The following AVEN variants were observed in gnomAD, a reference collection of about 807,000 sequenced individuals.
AVEN encodes the protein cell death regulator Aven.
In AVEN, 41 loss-of-function variants were observed where a neutral mutation model predicts 38.1. That is an observed-to-expected ratio of 1.08 (90% CI 0.84 to 1.40). The LOEUF (loss-of-function observed/expected upper bound fraction) is 1.40, where lower values mean the gene tolerates loss of function less well. Ranked by LOEUF, AVEN falls within the 40% of genes most tolerant of loss-of-function variation. AVEN has a pLI of 0.00. For missense variants in AVEN, 605 were observed against 438.8 expected (o/e 1.38, Z -3.38); for synonymous variants, 206 against 171.8 (o/e 1.20, Z -1.56).
chr15:34,060,888 C>T (rs925708750), intron 5 of AVEN, among the ~76,000 whole-genome samples: 4 of 151,190 alleles, frequency 2.6e-5, no homozygotes, highest in African/African-American at 4.9e-5. Flanking sequence ...TGGTGGCAGG[C>T]GCCTGTAGTC....
chr15:33,920,359 T>TA (rs1567414056), intron 2 of AVEN, among the ~76,000 whole-genome samples: 1 of 152,192 alleles, frequency 6.6e-6, no homozygotes, highest in East Asian at 1.9e-4. Flanking sequence ...CCCCAACCCC[T>TA]AGCAACCACC....
At position 33,931,950 on chromosome 15, in the gene AVEN, T is replaced by C. The variant is rs555642673; in HGVS notation, c.446-55955A>G. Among the ~76,000 whole-genome samples the C allele has an allele frequency of 2.6e-5, 4 of 152,290 alleles. No individual in the cohort carries two copies. The East Asian group carries it at 7.7e-4, about 29-fold the overall frequency. The stretch of plus-strand genomic sequence containing the variant: ...AAAGCATCCAGAATCCTCACATTCA[T>C]GTGGAAAGGCTTGATTCTAAGATGA... On this transcript the variant is annotated intron_variant, in intron 2 of 5. Transcript: ENST00000306730.
At chr15:33,870,502 A>G (rs902204256) in intron 4 of AVEN, among the ~76,000 whole-genome samples, 1 of 152,226 alleles carries the variant, frequency 6.6e-6, no homozygotes, top group Non-Finnish European at 1.5e-5. Flanking sequence ...CTCTAAAAGC[A>G]CACTGTACTT....
chr15:34,045,038 ACT>A (rs965227988), intron 5 of AVEN, among the ~76,000 whole-genome samples: 2 of 152,128 alleles, frequency 1.3e-5, no homozygotes, highest in African/African-American at 2.4e-5. Flanking sequence ...ACAGAGCGAG[ACT>A]CTGTCTCAAA....
intron 2 of AVEN, among the ~76,000 whole-genome samples, chr15:34,001,055 T>C (rs1490580333): frequency 1.3e-5 from 2 of 150,276 alleles, no homozygotes; most frequent in Non-Finnish European, 3.0e-5. Context: ...AGTTTTGCTC[T>C]TGTTGCCCAG....
At chr15:33,854,807 G>A (rs1288793870), downstream of AVEN, 1 of 1,613,658 alleles carries the variant, frequency 6.2e-7, no homozygotes, top group South Asian at 1.1e-5. Context: ...TGTCAGTCCT[G>A]GGCCACTACA....
Position 33,888,998 on chromosome 15 carries a change from G to T in AVEN, c.446-13003C>A, listed in dbSNP as rs368246162. Among the ~76,000 whole-genome samples, 55 of 152,220 alleles carry T rather than the reference G, an allele frequency of 3.6e-4. No individual in the cohort carries two copies. The South Asian group carries it at 0.011, about 31-fold the overall frequency. Reference sequence around the variant, plus strand: ...CCCAAAGTGCTGGGATTACAGGCATGAGCCACCACACCCAGCCTGGAATTC... The same window carrying T: ...CCCAAAGTGCTGGGATTACAGGCATTAGCCACCACACCCAGCCTGGAATTC... On this transcript the variant is annotated intron_variant, in intron 2 of 5. Transcript: ENST00000306730.
chr15:33,954,264 A>C (rs1043339051), intron 2 of AVEN, among the ~76,000 whole-genome samples: 9 of 152,198 alleles, frequency 5.9e-5, no homozygotes, highest in African/African-American at 1.9e-4. Flanking sequence ...AGGATCTAGA[A>C]CTAGAAATAC....
chr15:33,997,303 CT>C (rs1315669040), intron 2 of AVEN, among the ~76,000 whole-genome samples: 4 of 151,842 alleles, frequency 2.6e-5, no homozygotes, highest in South Asian at 2.1e-4. Context: ...ATCAAGACTA[CT>C]TTTTTTTTAA....
intron 4 of AVEN, 145 bp downstream of exon 4, chr15:33,870,790 A>C (rs997450465): frequency 5.8e-6 from 3 of 514,288 alleles, no homozygotes; most frequent in Non-Finnish European, 9.7e-6. Context: ...TTCTCCTTTA[A>C]ACTTTACAAA....
At chr15:33,993,658 A>T (rs1896818106) in intron 2 of AVEN, among the ~76,000 whole-genome samples, 1 of 152,202 alleles carries the variant, frequency 6.6e-6, no homozygotes, top group Non-Finnish European at 1.5e-5. Context: ...TTATTAAACC[A>T]ACATAAATAA....
At position 34,063,545 on chromosome 15, in the gene AVEN, G is replaced by A. The variant is rs1183222862; in HGVS notation, n.1127-113C>T. 1.9e-6 allele frequency: 3 copies of A among 1,613,570 alleles called. No homozygotes were observed. The highest frequency in any genetic ancestry group is 2.2e-5 in the East Asian group (1 of 44,868). On this transcript the variant is annotated intron_variant and non_coding_transcript_variant, in intron 4 of 11. Coordinates refer to the AVEN transcript ENST00000675287. The surrounding 1 kb of genome is among the most constrained non-coding windows in gnomAD (Gnocchi z 4.1). ...AGGCCTCCTGGTCATCCTCCCGCAG[G>A]AGCACCTCCACCACTGGGAAGCCAT...
chr15:34,063,771 G>A lies in AVEN; in HGVS notation n.1127-339C>T. 6.2e-7 allele frequency: 1 copy of A among 1,614,142 alleles called. No homozygotes were observed. The highest frequency in any genetic ancestry group is 8.5e-7 in the Non-Finnish European group (1 of 1,180,030). On this transcript the variant is annotated intron_variant and non_coding_transcript_variant, in intron 4 of 11. Coordinates refer to the AVEN transcript ENST00000675287. The surrounding 1 kb of genome is among the most constrained non-coding windows in gnomAD (Gnocchi z 4.1). ...GGAAACTTTTGTGAAAGCTGAAACT[G>A]AAAAAAGTGACTATGACACCCCAAA... is the stretch of plus-strand genomic sequence containing the variant.
At chr15:33,937,145 A>ATCCTTCTACGGACT in intron 2 of AVEN, among the ~76,000 whole-genome samples, 1 of 150,904 alleles carries the variant, frequency 6.6e-6, no homozygotes, top group African/African-American at 2.4e-5. Flanking sequence ...AAAAAAAAAA[A>ATCCTTCTACGGACT]AAAAGACCAA....
At chr15:33,873,459 C>T (rs1891084733) in intron 3 of AVEN, among the ~76,000 whole-genome samples, 1 of 148,384 alleles carries the variant, frequency 6.7e-6, no homozygotes, top group African/African-American at 2.5e-5. Flanking sequence ...TAAGGAACAA[C>T]AAATTACATA....
At position 33,940,859 on chromosome 15, in the gene AVEN, G is replaced by A. The variant is rs535758313; in HGVS notation, c.445+62173C>T. Among the ~76,000 whole-genome samples, 29 of 152,206 alleles carry A rather than the reference G, an allele frequency of 1.9e-4. No individual in the cohort carries two copies. In the South Asian group the frequency reaches 3.9e-3, roughly 21 times the overall value. On this transcript the variant is annotated intron_variant, in intron 2 of 5. Coordinates refer to ENST00000306730, the MANE Select transcript of AVEN (RefSeq NM_020371.3). ...CCAGCCACGATATGAAATTCTTATCGCTTAGGCTGAATAGGGATTCAACCT... is the reference window on the plus strand; with the variant it reads ...CCAGCCACGATATGAAATTCTTATCACTTAGGCTGAATAGGGATTCAACCT...
chr15:34,009,549 TAAAG>T (rs1278707648), intron 1 of AVEN, among the ~76,000 whole-genome samples: 2 of 151,774 alleles, frequency 1.3e-5, no homozygotes, highest in African/African-American at 2.4e-5. Flanking sequence ...AGCAGTAAAA[TAAAG>T]AAAAAGCATA....
At chr15:33,952,573 T>C (rs1228519574) in intron 2 of AVEN, among the ~76,000 whole-genome samples, 1 of 152,164 alleles carries the variant, frequency 6.6e-6, no homozygotes, top group African/African-American at 2.4e-5. Flanking sequence ...GAAAGAGTAT[T>C]ACGTCTTTTT....
At chr15:33,954,468 A>G (rs1322120494) in intron 2 of AVEN, among the ~76,000 whole-genome samples, 1 of 152,218 alleles carries the variant, frequency 6.6e-6, no homozygotes, top group Non-Finnish European at 1.5e-5. Context: ...AATACTATGC[A>G]GCCAGAAAAA....
Sources: allele counts gnomAD v4.1 joint callset (sites outside exome capture counted in the v4.1 genomes callset), GRCh38; gene constraint gnomAD v4.1.1; non-coding constraint Gnocchi (gnomAD v3.1); transcripts MANE v1.5; gene names NCBI Gene and HGNC (gene_info 2026-07-23, HGNC 2026-07-21).